The following PHF2 variants were observed in gnomAD, a reference collection of about 807,000 sequenced individuals.
PHF2 encodes the protein PHD finger protein 2, also known as lysine-specific demethylase PHF2.
PHF2 carries 27 observed loss-of-function variants against 120.5 expected under a neutral mutation model. The observed-to-expected ratio is 0.22, with a 90% CI of 0.17 to 0.31. The LOEUF (loss-of-function observed/expected upper bound fraction) is 0.31, where lower values mean the gene tolerates loss of function less well. Among genes scored for constraint, PHF2 ranks in the 10% least tolerant of loss-of-function variants. The probability of loss-of-function intolerance (pLI) is 1.00; values close to 1 mark genes in which losing one functional copy is unlikely to be tolerated. For missense variants in PHF2, 1,024 were observed against 1,434.8 expected, an observed-to-expected ratio of 0.71 and a Z score of 4.63; for synonymous variants, 568 against 592.5, an observed-to-expected ratio of 0.96 and a Z score of 0.60.
intron 1 of PHF2, among the ~76,000 whole-genome samples, chr9:93,602,472 C>T (rs1290845884): frequency 2.6e-5 from 4 of 151,944 alleles, no homozygotes; most frequent in Admixed American, 1.3e-4. Context: ...AGGCTGGTCT[C>T]GAACTCCTGA....
intron 1 of PHF2, among the ~76,000 whole-genome samples, chr9:93,580,608 A>G (rs7023212): frequency 6.6e-6 from 1 of 151,980 alleles, no homozygotes; most frequent in Admixed American, 6.5e-5. Context: ...CATCCTTAAC[A>G]TGTAGCTTTC....
rs1826850155 is a variant in PHF2, at chr9:93,673,644, ACCTGCAGGCCTCCGACTCCTG to A, written c.2416_2436del (p.Ala806_Gln812del). On this transcript the variant is annotated inframe_deletion, in exon 18 of 22. Coordinates refer to ENST00000359246, the MANE Select transcript of PHF2 (RefSeq NM_005392.4). ...ATTCAGGGAATGCTGTCCATGGCCA[ACCTGCAGGCCTCCGACTCCTG>A]CCTGCAGACCACGTGGGGAGCTGGC... The A allele has an allele frequency of 6.2e-7, 1 of 1,607,562 alleles. No individual in the cohort carries two copies. The highest frequency in any genetic ancestry group is 8.5e-7 in the Non-Finnish European group (1 of 1,175,952).
intron 1 of PHF2, among the ~76,000 whole-genome samples, chr9:93,622,676 C>A (rs569973999): frequency 6.6e-6 from 1 of 152,160 alleles, no homozygotes; most frequent in Non-Finnish European, 1.5e-5. Context: ...GATTTTAGCC[C>A]GGTGAGACCC....
chr9:93,583,826 C>CTTTT (rs113746371), intron 1 of PHF2, among the ~76,000 whole-genome samples: 8 of 124,630 alleles, frequency 6.4e-5, no homozygotes, highest in South Asian at 2.5e-4. Flanking sequence ...TTTTTCTTTT[C>CTTTT]TTTTTTTTTT....
At chr9:93,643,815 C>T (rs1826208562) in intron 3 of PHF2, among the ~76,000 whole-genome samples, 1 of 152,162 alleles carries the variant, frequency 6.6e-6, no homozygotes, top group South Asian at 2.1e-4. Flanking sequence ...TCCTGCCCCT[C>T]CACCGTGGGC....
chr9:93,581,154 C>G (rs1862922924), intron 1 of PHF2, among the ~76,000 whole-genome samples: 1 of 152,172 alleles, frequency 6.6e-6, no homozygotes, highest in South Asian at 2.1e-4. Context: ...AGGGCCCTGT[C>G]TCTGTGTCCA....
chr9:93,644,120 C>T (rs1190234585), intron 3 of PHF2, among the ~76,000 whole-genome samples: 9 of 152,164 alleles, frequency 5.9e-5, no homozygotes, highest in Non-Finnish European at 1.2e-4. Context: ...GGCGCGGTGG[C>T]TCACGCCTGT....
rs149747571 is a variant in PHF2 at position 93,610,513 on chromosome 9, A to T, written c.99-19457A>T. On this transcript the variant is annotated intron_variant, in intron 1 of 21. Coordinates refer to ENST00000359246, the MANE Select transcript of PHF2 (RefSeq NM_005392.4). Reference sequence around the variant, plus strand: ...CCTATCCTTGCAGGCTTTATTACAGACTTTAGCATATTAATAATAAATTTG... The same window carrying T: ...CCTATCCTTGCAGGCTTTATTACAGTCTTTAGCATATTAATAATAAATTTG... 2.7e-3 allele frequency among the ~76,000 whole-genome samples: 418 copies of T among 152,190 alleles called. 1 individual carries two copies. The highest frequency in any genetic ancestry group is 9.4e-3 in the African/African-American group (392 of 41,522).
At chr9:93,628,197 A>G (rs1417347328) in intron 1 of PHF2, among the ~76,000 whole-genome samples, 1 of 152,144 alleles carries the variant, frequency 6.6e-6, no homozygotes, top group African/African-American at 2.4e-5. Context: ...TTCATTAGAG[A>G]TACTGGTCTG....
intron 1 of PHF2, among the ~76,000 whole-genome samples, chr9:93,585,493 A>G (rs1294174637): frequency 6.6e-6 from 1 of 152,246 alleles, no homozygotes; most frequent in Non-Finnish European, 1.5e-5. Flanking sequence ...ATTGATCTCC[A>G]TGCATTAAGT....
intron 17 of PHF2, among the ~76,000 whole-genome samples, chr9:93,670,404 G>A (rs1036682746): frequency 2.0e-5 from 3 of 152,246 alleles, no homozygotes; most frequent in South Asian, 4.1e-4. Context: ...GGAAGCCTGG[G>A]GCACCTGTCC....
At chr9:93,586,525 C>T (rs1564371601) in intron 1 of PHF2, among the ~76,000 whole-genome samples, 1 of 152,276 alleles carries the variant, frequency 6.6e-6, no homozygotes, top group African/African-American at 2.4e-5. Flanking sequence ...GCCCCCACTC[C>T]TCCCATGCCA....
At chr9:93,675,868 C>G (rs777784000) in intron 20 of PHF2, 79 bp downstream of exon 20, 12 of 1,060,112 alleles carry the variant, frequency 1.1e-5, no homozygotes, top group Non-Finnish European at 1.6e-5. Context: ...CCCAAGGCAC[C>G]TGTTTCTCCA....
intron 1 of PHF2, among the ~76,000 whole-genome samples, chr9:93,582,467 G>A (rs758252795): frequency 4.6e-5 from 7 of 152,098 alleles, no homozygotes; most frequent in Non-Finnish European, 8.8e-5. Flanking sequence ...AGGGTCTCTC[G>A]CTGTAGTGCC....
intron 14 of PHF2, among the ~76,000 whole-genome samples, chr9:93,664,768 CTG>C (rs1186286537): frequency 1.3e-5 from 2 of 152,240 alleles, no homozygotes; most frequent in South Asian, 2.1e-4. Flanking sequence ...GGCATTCACT[CTG>C]TGACGGTGCT....
intron 1 of PHF2, among the ~76,000 whole-genome samples, chr9:93,582,318 GT>G (rs1191610603): frequency 4.6e-5 from 7 of 152,206 alleles, no homozygotes; most frequent in Admixed American, 3.9e-4. Flanking sequence ...CGTGTCCATG[GT>G]TTCAGCAGTG....
At chr9:93,631,556 G>A (rs1404908887) in intron 2 of PHF2, among the ~76,000 whole-genome samples, 2 of 152,338 alleles carry the variant, frequency 1.3e-5, no homozygotes, top group Non-Finnish European at 1.5e-5. Flanking sequence ...AACAGATAAA[G>A]GGTAGGAAGG....
intron 13 of PHF2, among the ~76,000 whole-genome samples, 167 bp from the exon 14 acceptor site, chr9:93,663,350 G>A (rs1826612509): frequency 6.6e-6 from 1 of 152,118 alleles, no homozygotes; most frequent in South Asian, 2.1e-4. Flanking sequence ...GAGTCCATGG[G>A]GTGCAGGCCC....
chr9:93,618,005 A>G (rs933729871), intron 1 of PHF2, among the ~76,000 whole-genome samples: 2 of 152,258 alleles, frequency 1.3e-5, no homozygotes, highest in African/African-American at 2.4e-5. Context: ...TGCATCCTTC[A>G]GTCCAATCAA....
Sources: allele counts gnomAD v4.1 joint callset (sites outside exome capture counted in the v4.1 genomes callset), GRCh38; gene constraint gnomAD v4.1.1; transcripts MANE v1.5; gene names NCBI Gene and HGNC (gene_info 2026-07-23, HGNC 2026-07-21).